Variants in ASAP1 observed in about 807,000 individuals in gnomAD.
The protein encoded by ASAP1 is ArfGAP with SH3 domain, ankyrin repeat and PH domain 1.
ASAP1 carries 43 observed loss-of-function variants against 145.2 expected under a neutral mutation model. The ratio of observed to expected loss-of-function variants is 0.30; its 90% confidence interval spans 0.23 to 0.38. The LOEUF (loss-of-function observed/expected upper bound fraction) is 0.38. ASAP1 is among the 10% of genes least tolerant of loss of function. ASAP1 has a pLI of 1.00. For missense variants in ASAP1, 1,018 were observed against 1,355.3 expected, an observed-to-expected ratio of 0.75 and a Z score of 3.91; for synonymous variants, 546 against 515.5, an observed-to-expected ratio of 1.06 and a Z score of -0.80.
In ASAP1 at chr8:130,127,995, G is replaced by A; in HGVS notation, c.1313C>T (p.Thr438Ile). The change falls in exon 16 of 30, where the codon ACA becomes ATA. Residue 438 changes from threonine to isoleucine, a missense_variant. This residue lies in a region of ASAP1 where 153 missense variants were observed against 221.6 expected (regional missense o/e 0.69). Transcript: ENST00000518721. ...CTGGACATCCTCAATAATGGCTTTT[G>A]TCAGGTCTTCCAGGCTGTTCTCTCC... ...SAGENSLEDLTKAIIEDVQRL... is the reference protein window; with the variant it reads ...SAGENSLEDLIKAIIEDVQRL... 6.2e-7 allele frequency: 1 copy of A among 1,614,142 alleles called. No homozygotes were observed. The highest frequency in any genetic ancestry group is 8.5e-7 in the Non-Finnish European group (1 of 1,180,032).
chr8:130,218,575 A>G (rs1006887773), intron 4 of ASAP1, among the ~76,000 whole-genome samples: 2 of 152,200 alleles, frequency 1.3e-5, no homozygotes, highest in African/African-American at 4.8e-5. Context: ...TCATTAAAGA[A>G]TAAGATGGAG....
intron 5 of ASAP1, among the ~76,000 whole-genome samples, chr8:130,191,588 T>G (rs748501656): frequency 6.6e-6 from 1 of 152,184 alleles, no homozygotes; most frequent in Non-Finnish European, 1.5e-5. Flanking sequence ...TGCTATTATG[T>G]ATTATGTGTT....
rs747363071 is a variant in ASAP1 at position 130,159,866 on chromosome 8, G to A, written c.1008C>T (p.Asp336=). 24 of 1,612,240 alleles carry A rather than the reference G, an allele frequency of 1.5e-5. No homozygotes were observed. Among genetic ancestry groups the A allele is most frequent in the African/African-American group, 1.1e-4 (8 of 74,848 alleles). Residue 336 remains aspartate, a splice_region_variant and synonymous_variant, in exon 12 of 30, where the codon GAC becomes GAT. Transcript: ENST00000518721. ...CACTGGGCTGGGCTCATACATACCCGTCACTTTTCTTTAGCAGGTACCCCT... is the reference window on the plus strand; with the variant it reads ...CACTGGGCTGGGCTCATACATACCCATCACTTTTCTTTAGCAGGTACCCCT... ...EKKGYLLKKS[D]GIRKVWQRRK...
At chr8:130,268,490 AACACACACACACACACACAC>A (rs113714700) in intron 3 of ASAP1, among the ~76,000 whole-genome samples, 6 of 133,124 alleles carry the variant, frequency 4.5e-5, no homozygotes, top group African/African-American at 8.6e-5. Flanking sequence ...CCCGTCTTAA[AACACACACACACACACACAC>A]ACACACACAC....
At chr8:130,099,103 G>A (rs779995764) in intron 24 of ASAP1, among the ~76,000 whole-genome samples, 2 of 143,450 alleles carry the variant, frequency 1.4e-5, no homozygotes, top group South Asian at 2.2e-4. Flanking sequence ...CTCAACTTCC[G>A]GGGCTCTGGA....
intron 1 of ASAP1, among the ~76,000 whole-genome samples, chr8:130,438,151 C>T (rs1040696268): frequency 6.6e-6 from 1 of 152,134 alleles, no homozygotes; most frequent in Non-Finnish European, 1.5e-5. Flanking sequence ...CTCAAGAAAC[C>T]GTCTGTTTCT....
chr8:130,259,253 T>G (rs1283549413), intron 3 of ASAP1, among the ~76,000 whole-genome samples: 1 of 152,230 alleles, frequency 6.6e-6, no homozygotes, highest in African/African-American at 2.4e-5. Flanking sequence ...TTCCCCAAAA[T>G]CTTTATTTGC....
At chr8:130,386,456 C>A (rs1386304807) in intron 2 of ASAP1, among the ~76,000 whole-genome samples, 2 of 152,260 alleles carry the variant, frequency 1.3e-5, no homozygotes, top group Non-Finnish European at 2.9e-5. Context: ...TGAAAAAACA[C>A]AGCTGGGCAC....
chr8:130,351,453 T>A (rs189287408), intron 3 of ASAP1, among the ~76,000 whole-genome samples: 21 of 152,274 alleles, frequency 1.4e-4, no homozygotes, highest in African/African-American at 5.1e-4. Context: ...ATATAAGGTG[T>A]GTTAGGCAGT....
rs1450938957 is a variant in ASAP1 at position 130,358,274 on chromosome 8, G to A, written c.60-131C>T. The A allele has an allele frequency of 1.6e-6, 1 of 613,688 alleles. No individual in the cohort carries two copies. The highest frequency in any genetic ancestry group is 2.1e-6 in the Non-Finnish European group (1 of 471,168). The allele number at this position is 613,688 out of a possible 1,614,324, so 38.0% of individuals were successfully genotyped here. A position where few individuals can be genotyped will look rare whatever the true frequency, so the allele number is the denominator to read the frequency against. On this transcript the variant is annotated intron_variant, in intron 2 of 29. Coordinates refer to ENST00000518721, the MANE Select transcript of ASAP1 (RefSeq NM_018482.4). This position sits in a 1 kb window ranked among gnomAD's most constrained non-coding sequence, Gnocchi z 4.1. ...CCACCCGCCGCCCGGCCTGGCGCGC[G>A]GCTCCCGTCCCCGGCAGCGGCGAGA... is the stretch of plus-strand genomic sequence containing the variant.
At chr8:130,216,027 GAAAGGAAAAAGGAAAGGAAAAGAAAGA>G (rs1292619549) in intron 4 of ASAP1, among the ~76,000 whole-genome samples, 20 of 142,228 alleles carry the variant, frequency 1.4e-4, no homozygotes, top group Middle Eastern at 3.8e-3. Context: ...AAAAGGAAAG[GAAAGGAAAAAGGAAAGGAAAAGAAAGA>G]AAAGGAAAAA....
In ASAP1 at chr8:130,193,970, G is replaced by A. The variant is rs1459066045; in HGVS notation, c.406-5787C>T. On this transcript the variant is annotated intron_variant, in intron 5 of 29. Coordinates refer to ENST00000518721, the MANE Select transcript of ASAP1 (RefSeq NM_018482.4). ...CTCCCAAAGTGCTGGGATTACAGGC[G>A]TGAGCAACCATGCTCCGCCACACAT... Among the ~76,000 whole-genome samples, 8 of 152,248 alleles carry A rather than the reference G, an allele frequency of 5.3e-5. No individual in the cohort carries two copies. The East Asian group carries it at 5.8e-4, about 11-fold the overall frequency.
intron 3 of ASAP1, among the ~76,000 whole-genome samples, chr8:130,284,925 T>C (rs949197229): frequency 1.5e-4 from 22 of 147,288 alleles, no homozygotes; most frequent in Non-Finnish European, 1.4e-4. Flanking sequence ...CAGAGAGACA[T>C]ACACTCATGA....
intron 4 of ASAP1, among the ~76,000 whole-genome samples, chr8:130,217,423 G>A (rs1011123645): frequency 2.0e-5 from 3 of 151,140 alleles, no homozygotes; most frequent in Admixed American, 1.3e-4. Context: ...TACCTCTACT[G>A]CAGTATTTTC....
At chr8:130,412,087 C>A (rs1829289015) in intron 1 of ASAP1, among the ~76,000 whole-genome samples, 1 of 152,168 alleles carries the variant, frequency 6.6e-6, no homozygotes, top group Admixed American at 6.5e-5. Flanking sequence ...CTTCACCCAG[C>A]CCAGAGCAGT....
At chr8:130,245,642 T>A (rs1818803024) in intron 3 of ASAP1, among the ~76,000 whole-genome samples, 1 of 152,198 alleles carries the variant, frequency 6.6e-6, no homozygotes, top group Admixed American at 6.5e-5. Context: ...TACGTAGGCA[T>A]AAATTATCTG....
At chr8:130,061,411 T>C (rs1420866838) in intron 27 of ASAP1, among the ~76,000 whole-genome samples, 1 of 152,246 alleles carries the variant, frequency 6.6e-6, no homozygotes, top group Non-Finnish European at 1.5e-5. Context: ...TTCTTTTATA[T>C]AGTTCCTTTT....
At chr8:130,349,678 T>C (rs908183603) in intron 3 of ASAP1, among the ~76,000 whole-genome samples, 1 of 152,214 alleles carries the variant, frequency 6.6e-6, no homozygotes, top group African/African-American at 2.4e-5. Flanking sequence ...TAACTCTCCA[T>C]GAAGGAATGC....
At chr8:130,181,930 TG>T (rs991851623) in intron 7 of ASAP1, among the ~76,000 whole-genome samples, 14 of 152,202 alleles carry the variant, frequency 9.2e-5, no homozygotes, top group African/African-American at 3.4e-4. Flanking sequence ...AAACCAACTC[TG>T]AAGAAAGCCA....
Sources: gnomAD v4.1 joint callset for allele counts (sites outside exome capture counted in the v4.1 genomes callset) on GRCh38, gnomAD v4.1.1 for gene constraint, gnomAD v4.1.1 regional missense constraint, Gnocchi (gnomAD v3.1) non-coding constraint, MANE v1.5 for transcripts, NCBI Gene and HGNC (gene_info 2026-07-23, HGNC 2026-07-21) for gene names.